DTX3: variants seen among roughly 807,000 people sequenced by gnomAD.
DTX3 encodes deltex E3 ubiquitin ligase 3, also known as E3 ubiquitin-protein ligase DTX3.
DTX3 carries 10 observed loss-of-function variants against 27.4 expected under a neutral mutation model. That is an observed-to-expected ratio of 0.36 (90% CI 0.22 to 0.62). The LOEUF is 0.62. Ranked by LOEUF, DTX3 falls within the 20% of genes least tolerant of loss-of-function variation. The pLI is 0.68. For missense variants in DTX3, 319 were observed against 463.8 expected (o/e 0.69, Z 2.87); for synonymous variants, 171 against 190.7 (o/e 0.90, Z 0.85).
intron 4 of DTX3, 93 bp from the exon 5 acceptor site, chr12:57,606,772 T>A: frequency 1.4e-6 from 2 of 1,470,654 alleles, no homozygotes; most frequent in Non-Finnish European, 1.8e-6. Context: ...AAAACAGAGG[T>A]AATAGAGGGT....
At position 57,609,285 on chromosome 12, in the gene DTX3, A is replaced by G; in HGVS notation, c.*133A>G. On this transcript the variant is annotated 3_prime_UTR_variant, in exon 7 of 7. Coordinates refer to ENST00000337737, the MANE Select transcript of DTX3 (RefSeq NM_178502.4). ...CTGTCTGACTGGGAAGGGAGTTCCG[A>G]GAGGGAGGGGGCAATCCCTTCCCCC... The G allele has an allele frequency of 1.3e-6, 1 of 792,266 alleles. No individual in the cohort carries two copies. The highest frequency in any genetic ancestry group is 2.1e-6 in the Non-Finnish European group (1 of 479,740). The allele number at this position is 792,266 out of a possible 1,614,324, so 49.1% of individuals were successfully genotyped here.
Position 57,607,282 on chromosome 12 carries a change from C to A in DTX3, c.419C>A (p.Pro140His). 6.4e-7 allele frequency: 1 copy of A among 1,568,508 alleles called. No individual in the cohort carries two copies. The highest frequency in any genetic ancestry group is 8.6e-7 in the Non-Finnish European group (1 of 1,156,230). The change falls in exon 5 of 7, where the codon CCT becomes CAT. Residue 140 changes from proline (P) to histidine (H), a missense_variant. By Grantham distance (77) the Pro-to-His change is moderately conservative. Around this residue, in one of 2 missense-constraint regions of DTX3, gnomAD observed 202 missense variants for 205.3 expected, o/e 0.98. Transcript: ENST00000337737. The surrounding 1 kb of genome is among the most constrained non-coding windows in gnomAD (Gnocchi z 7.7). The stretch of plus-strand genomic sequence containing the variant: ...CCCCCAGGAGCTCGGGGGCTCCCCC[C>A]TCCTCCTCCCCCCCTGCCCCCACCT... Reference protein sequence around the residue: ...LLPPGARGLPPPPPPLPPPLP... With the variant: ...LLPPGARGLPHPPPPLPPPLP...
chr12:57,607,454 G>T lies in DTX3; in HGVS notation c.591G>T (p.Lys197Asn). The T allele has an allele frequency of 1.9e-6, 3 of 1,614,126 alleles. No homozygotes were observed. The highest frequency in any genetic ancestry group is 2.5e-6 in the Non-Finnish European group (3 of 1,180,014). Reference protein sequence around the residue: ...GCITRALQVKKACPMCGRFYG... With the variant: ...GCITRALQVKNACPMCGRFYG... ...TCACCCGGGCTCTGCAGGTGAAAAA[G>T]GCCTGCCCCATGTGCGGCCGCTTCT... The change falls in exon 5 of 7, where the codon AAG (lysine) becomes AAT (asparagine). Residue 197 changes from lysine (K) to asparagine (N), a missense_variant. Physicochemically the swap from Lys to Asn is moderately conservative, Grantham distance 94. Coordinates refer to ENST00000337737, the MANE Select transcript of DTX3 (RefSeq NM_178502.4). This position sits in a 1 kb window ranked among gnomAD's most constrained non-coding sequence, Gnocchi z 7.7.
Position 57,608,452 on chromosome 12 carries a change from C to T in DTX3, c.751-68C>T. 7.0e-7 allele frequency: 1 copy of T among 1,428,030 alleles called. No homozygotes were observed. The highest frequency in any genetic ancestry group is 9.6e-7 in the Non-Finnish European group (1 of 1,037,756). The allele number at this position is 1,428,030 out of a possible 1,614,324, so 88.5% of individuals were successfully genotyped here. A position where few individuals can be genotyped will look rare whatever the true frequency, so the allele number is the denominator to read the frequency against. ...CAGACAGAGACTAGCCTGGATGACC[C>T]TCCTCTGGCATCTGGGCCTTAGGAT... is the stretch of plus-strand genomic sequence containing the variant. On this transcript the variant is annotated intron_variant, in intron 5 of 6. Coordinates refer to ENST00000337737, the MANE Select transcript of DTX3 (RefSeq NM_178502.4). The surrounding 1 kb of genome is among the most constrained non-coding windows in gnomAD (Gnocchi z 6.1).
chr12:57,608,913 C>G lies in DTX3; in HGVS notation c.969-164C>G. 9.4e-7 allele frequency: 1 copy of G among 1,066,448 alleles called. No individual in the cohort carries two copies. The highest frequency in any genetic ancestry group is 1.4e-6 in the Non-Finnish European group (1 of 706,904). 66.1% of individuals were successfully genotyped at this position (1,066,448 alleles called of 1,614,324 possible). On this transcript the variant is annotated intron_variant, in intron 6 of 6. Transcript: ENST00000337737. The surrounding 1 kb of genome is among the most constrained non-coding windows in gnomAD (Gnocchi z 6.1). ...CTGGTCCTGGTGTGCCCAGCTTAGCCTACAAAAATAAGCAGAACTGGGCTA... is the reference window on the plus strand; with the variant it reads ...CTGGTCCTGGTGTGCCCAGCTTAGCGTACAAAAATAAGCAGAACTGGGCTA...
intron 1 of DTX3, 134 bp downstream of exon 1, chr12:57,604,992 C>T (rs1883647774): frequency 6.6e-6 from 1 of 152,202 alleles, no homozygotes; most frequent in African/African-American, 2.4e-5. Context: ...GCTCCCCGCT[C>T]CGTGCCCGGC....
rs763473059 is a variant in DTX3 at position 57,606,846 on chromosome 12, C to T, written c.2-19C>T. 1.3e-6 allele frequency: 2 copies of T among 1,587,708 alleles called. No individual in the cohort carries two copies. The highest frequency in any genetic ancestry group is 1.8e-5 in the Admixed American group (1 of 57,054). ...AAATGGGGACCCCCCACCCTGAGTC[C>T]CTTTCACCCTGGGGGCAGTGTCGTT... On this transcript the variant is annotated intron_variant, in intron 4 of 6. Coordinates refer to ENST00000337737, the MANE Select transcript of DTX3 (RefSeq NM_178502.4).
Position 57,608,980 on chromosome 12 carries a change from G to A in DTX3, c.969-97G>A. On this transcript the variant is annotated intron_variant, in intron 6 of 6. Coordinates refer to ENST00000337737, the MANE Select transcript of DTX3 (RefSeq NM_178502.4). The surrounding 1 kb of genome is among the most constrained non-coding windows in gnomAD (Gnocchi z 6.1). The stretch of plus-strand genomic sequence containing the variant: ...GAGGTGTCCTCCCTTAGGGGAGGTG[G>A]GGAGGTGTCTGAGCCACCTAGAATG... 8.4e-7 allele frequency: 1 copy of A among 1,193,552 alleles called. No individual in the cohort carries two copies. The highest frequency in any genetic ancestry group is 1.2e-6 in the Non-Finnish European group (1 of 813,528). The allele number at this position is 1,193,552 out of a possible 1,614,324, so 73.9% of individuals were successfully genotyped here. A position where few individuals can be genotyped will look rare whatever the true frequency, so the allele number is the denominator to read the frequency against.
At position 57,609,368 on chromosome 12, in the gene DTX3, C is replaced by A; in HGVS notation, c.*216C>A. 1.7e-6 allele frequency: 1 copy of A among 575,460 alleles called. No individual in the cohort carries two copies. The highest frequency in any genetic ancestry group is 3.1e-6 in the Non-Finnish European group (1 of 320,982). 35.6% of individuals were successfully genotyped at this position (575,460 alleles called of 1,614,324 possible). ...TGAGCCACTCCCTTCTGGCAGAGGC[C>A]GACCTCCAAGGCTCTGTTCTCCCCT... On this transcript the variant is annotated 3_prime_UTR_variant, in exon 7 of 7. Coordinates refer to ENST00000337737, the MANE Select transcript of DTX3 (RefSeq NM_178502.4).
Position 57,608,404 on chromosome 12 carries a change from C to G in DTX3, c.751-116C>G, listed in dbSNP as rs936656167. ...GAAAGCTGTCAGCCTGTTGCTGCCC[C>G]GTTCGCATTAGCTGGGGGTGCTCAG... On this transcript the variant is annotated intron_variant, in intron 5 of 6. Transcript: ENST00000337737. This position sits in a 1 kb window ranked among gnomAD's most constrained non-coding sequence, Gnocchi z 6.1. 4.6e-6 allele frequency: 4 copies of G among 878,366 alleles called. No homozygotes were observed. Among genetic ancestry groups the G allele is most frequent in the South Asian group, 1.7e-5 (1 of 59,714 alleles). 54.4% of individuals were successfully genotyped at this position (878,366 alleles called of 1,614,324 possible).
rs1243080092 is a variant in DTX3, at chr12:57,607,609, AG to A, written c.750+1del. 1.2e-6 allele frequency: 2 copies of A among 1,614,128 alleles called. No homozygotes were observed. The highest frequency in any genetic ancestry group is 8.5e-7 in the Non-Finnish European group (1 of 1,180,014). On this transcript the variant is annotated frameshift_variant, in exon 5 of 7. Transcript: ENST00000337737. LOFTEE classifies it high-confidence loss of function. This position sits in a 1 kb window ranked among gnomAD's most constrained non-coding sequence, Gnocchi z 7.7. ...CAGTACGTCTTCCCGCCCGGTGTCC[AG>A]GGGGTAAGAAGACCATGGCCTGCCC... ...VIQYVFPPGV[Q>X]GAEHPNPGVR... is the part of the protein sequence containing the mutation.
At position 57,607,667 on chromosome 12, in the gene DTX3, A is replaced by C; in HGVS notation, c.750+54A>C. 5.6e-6 allele frequency: 9 copies of C among 1,610,158 alleles called. No homozygotes were observed. The highest frequency in any genetic ancestry group is 7.6e-6 in the Non-Finnish European group (9 of 1,176,934). Reference sequence around the variant, plus strand: ...TTTGGCTTTCCCCAAGCTCTGACCTAGGAAAACCGGGTGAGGGTGAGTGTG... The same window carrying C: ...TTTGGCTTTCCCCAAGCTCTGACCTCGGAAAACCGGGTGAGGGTGAGTGTG... On this transcript the variant is annotated intron_variant, in intron 5 of 6. Coordinates refer to ENST00000337737, the MANE Select transcript of DTX3 (RefSeq NM_178502.4). This position sits in a 1 kb window ranked among gnomAD's most constrained non-coding sequence, Gnocchi z 7.7.
At position 57,607,259 on chromosome 12, in the gene DTX3, C is replaced by T. The variant is rs1466388837; in HGVS notation, c.396C>T (p.Pro132=). ...PPPLRAAPLL[P]PGARGLPPPP... ...CTCTCCGAGCAGCCCCACTTCTGCC[C>T]CCAGGAGCTCGGGGGCTCCCCCCTC... Residue 132 remains proline, a synonymous_variant, in exon 5 of 7, where the codon CCC becomes CCT. Transcript: ENST00000337737. The surrounding 1 kb of genome is among the most constrained non-coding windows in gnomAD (Gnocchi z 7.7). The T allele has an allele frequency of 1.3e-6, 2 of 1,592,800 alleles. No individual in the cohort carries two copies. Among genetic ancestry groups the T allele is most frequent in the African/African-American group, 1.3e-5 (1 of 74,334 alleles).
chr12:57,607,209 G>A lies in DTX3; in HGVS notation c.346G>A (p.Glu116Lys). The change falls in exon 5 of 7, where the codon GAG (glutamate) becomes AAG (lysine). Residue 116 changes from glutamate (E) to lysine (K), a missense_variant. By Grantham distance (56) the Glu-to-Lys change is moderately conservative. Around this residue, in one of 2 missense-constraint regions of DTX3, gnomAD observed 202 missense variants for 205.3 expected, o/e 0.98. Coordinates refer to ENST00000337737, the MANE Select transcript of DTX3 (RefSeq NM_178502.4). The surrounding 1 kb of genome is among the most constrained non-coding windows in gnomAD (Gnocchi z 7.7). Reference sequence around the variant, plus strand: ...TCTGGGGGGTGGAGGGGAGCACCCTGAGATGCACCGCGCAGGCCCACCCCC... The same window carrying A: ...TCTGGGGGGTGGAGGGGAGCACCCTAAGATGCACCGCGCAGGCCCACCCCC... The part of the protein sequence containing the change: ...LALGGGGEHP[E>K]MHRAGPPPLR... 6.2e-7 allele frequency: 1 copy of A among 1,612,242 alleles called. No homozygotes were observed.
intron 2 of DTX3, 188 bp from the exon 3 acceptor site, chr12:57,606,002 C>T (rs945058058): frequency 6.5e-6 from 1 of 153,942 alleles, no homozygotes; most frequent in East Asian, 1.9e-4. Context: ...TTCTTGGGGG[C>T]CTCAGAGCTG....
chr12:57,606,330 C>A, intron 3 of DTX3, 78 bp downstream of exon 3: 1 of 731,152 alleles, frequency 1.4e-6, no homozygotes, highest in Non-Finnish European at 2.2e-6. Context: ...TAATGCCATT[C>A]TTAGTAACCT....
In DTX3 at chr12:57,608,424, G is replaced by C; in HGVS notation, c.751-96G>C. ...TGCCCCGTTCGCATTAGCTGGGGGT[G>C]CTCAGACAGAGACTAGCCTGGATGA... On this transcript the variant is annotated intron_variant, in intron 5 of 6. Coordinates refer to ENST00000337737, the MANE Select transcript of DTX3 (RefSeq NM_178502.4). This position sits in a 1 kb window ranked among gnomAD's most constrained non-coding sequence, Gnocchi z 6.1. 8.9e-7 allele frequency: 1 copy of C among 1,126,948 alleles called. No homozygotes were observed. Among genetic ancestry groups the C allele is most frequent in the Non-Finnish European group, 1.3e-6 (1 of 778,624 alleles). The allele number at this position is 1,126,948 out of a possible 1,614,324, so 69.8% of individuals were successfully genotyped here.
intron 1 of DTX3, 47 bp downstream of exon 1, chr12:57,604,905 C>T (rs913521616): frequency 6.6e-6 from 1 of 151,714 alleles, no homozygotes; most frequent in African/African-American, 2.4e-5. Context: ...CCCCCCGGGC[C>T]CCGCTCGCAC....
At position 57,608,826 on chromosome 12, in the gene DTX3, C is replaced by T; in HGVS notation, c.968+89C>T. 6.9e-7 allele frequency: 1 copy of T among 1,452,524 alleles called. No homozygotes were observed. Among genetic ancestry groups the T allele is most frequent in the Non-Finnish European group, 9.5e-7 (1 of 1,054,634 alleles). The allele number at this position is 1,452,524 out of a possible 1,614,324, so 90.0% of individuals were successfully genotyped here. A position where few individuals can be genotyped will look rare whatever the true frequency, so the allele number is the denominator to read the frequency against. On this transcript the variant is annotated intron_variant, in intron 6 of 6. Coordinates refer to ENST00000337737, the MANE Select transcript of DTX3 (RefSeq NM_178502.4). The surrounding 1 kb of genome is among the most constrained non-coding windows in gnomAD (Gnocchi z 6.1). ...CCCACCAACCCCTCGCTCACGGAGC[C>T]TCCTAACTGGAGAGAACCACTTCCA...
Sources: gnomAD v4.1 joint callset for allele counts on GRCh38, gnomAD v4.1.1 for gene constraint, gnomAD v4.1.1 regional missense constraint, Gnocchi (gnomAD v3.1) non-coding constraint, MANE v1.5 for transcripts, NCBI Gene and HGNC (gene_info 2026-07-23, HGNC 2026-07-21) for gene names.